PDE4B: variants seen among roughly 807,000 people sequenced by gnomAD.
PDE4B encodes phosphodiesterase 4B, also known as 3',5'-cyclic-AMP phosphodiesterase 4B.
Under a neutral mutation model 82.2 loss-of-function variants are expected in PDE4B, and 20 were observed. The ratio of observed to expected loss-of-function variants is 0.24; its 90% CI spans 0.17 to 0.35. The LOEUF is 0.35. PDE4B is among the 10% of genes least tolerant of loss of function. The pLI is 1.00. For synonymous variants in PDE4B, 320 were observed against 318.9 expected, an observed-to-expected ratio of 1.00 and a Z score of -0.04; for missense variants, 655 against 907.2, an observed-to-expected ratio of 0.72 and a Z score of 3.57.
intron 3 of PDE4B, among the ~76,000 whole-genome samples, chr1:66,190,388 G>A (rs991946304): frequency 3.9e-5 from 6 of 152,218 alleles, no homozygotes; most frequent in Non-Finnish European, 7.3e-5. Context: ...GAAGTCTGCA[G>A]AGGTTTTTGC....
chr1:66,027,951 G>T (rs1274969437), intron 3 of PDE4B, among the ~76,000 whole-genome samples: 1 of 152,216 alleles, frequency 6.6e-6, no homozygotes, highest in Non-Finnish European at 1.5e-5. Flanking sequence ...CATGGTGCAA[G>T]CTATCGGTGG....
rs746913722 is a variant in PDE4B, at chr1:66,257,629, T to G, written c.477-18T>G. On this transcript the variant is annotated intron_variant, in intron 4 of 16. Coordinates refer to ENST00000341517, the MANE Select transcript of PDE4B (RefSeq NM_002600.4). Reference sequence around the variant, plus strand: ...TTCAAGTAAATTTCTAAAGGTTCTTTTTTTCTCTTTTCACCAGACACGGCG... The same window carrying G: ...TTCAAGTAAATTTCTAAAGGTTCTTGTTTTCTCTTTTCACCAGACACGGCG... 1 of 1,611,116 alleles carries G rather than the reference T, an allele frequency of 6.2e-7. No homozygotes were observed. Among genetic ancestry groups the G allele is most frequent in the Admixed American group, 1.7e-5 (1 of 59,936 alleles).
At chr1:65,831,147 C>T (rs367602033) in intron 1 of PDE4B, among the ~76,000 whole-genome samples, 2 of 151,728 alleles carry the variant, frequency 1.3e-5, no homozygotes, top group South Asian at 4.2e-4. Flanking sequence ...GAAAGAAGAA[C>T]AAGTTAAAAA....
In PDE4B at chr1:65,842,450, A is replaced by ATTGT. The variant is rs1646218297; in HGVS notation, c.-71+49202_-71+49203insTTGT. On this transcript the variant is annotated intron_variant, in intron 1 of 16. Transcript: ENST00000341517. ...TATAATAAAACATGCAAACAACTAAAACATAGGACAACATATATTGTATCA... is the reference window on the plus strand; with the variant it reads ...TATAATAAAACATGCAAACAACTAAATTGTACATAGGACAACATATATTGTATCA... 2.6e-5 allele frequency among the ~76,000 whole-genome samples: 4 copies of ATTGT among 152,170 alleles called. No homozygotes were observed. The East Asian group carries it at 7.7e-4, about 29-fold the overall frequency.
At position 66,100,272 on chromosome 1, in the gene PDE4B, C is replaced by T. The variant is rs201218079; in HGVS notation, c.282-147188C>T. 2.0e-5 allele frequency among the ~76,000 whole-genome samples: 3 copies of T among 151,992 alleles called. No homozygotes were observed. The South Asian group carries it at 6.2e-4, about 32-fold the overall frequency. On this transcript the variant is annotated intron_variant, in intron 3 of 16. Transcript: ENST00000341517. ...TTCCTCATGTTGGCCAGGCTGGTCT[C>T]GAGCTCCTGACCTCAGGTGATCAGC...
rs185142081 is a variant in PDE4B at position 66,308,887 on chromosome 1, T to C, written c.635-23621T>C. 1.7e-4 allele frequency among the ~76,000 whole-genome samples: 26 copies of C among 152,300 alleles called. No individual in the cohort carries two copies. In the East Asian group the frequency reaches 4.0e-3, roughly 24 times the overall value. ...TGCTAACATTGCATTTAGATATAGT[T>C]ACTAAAAAATTATAAGAAAGTTCTG... On this transcript the variant is annotated intron_variant, in intron 7 of 16. Coordinates refer to ENST00000341517, the MANE Select transcript of PDE4B (RefSeq NM_002600.4).
Position 65,817,262 on chromosome 1 carries a change from G to T in PDE4B, c.-71+24014G>T, listed in dbSNP as rs139442250. 5.4e-4 allele frequency among the ~76,000 whole-genome samples: 83 copies of T among 152,304 alleles called. 2 individuals carry two copies. The highest frequency in any genetic ancestry group is 1.8e-3 in the African/African-American group (75 of 41,574). On this transcript the variant is annotated intron_variant, in intron 1 of 16. Coordinates refer to ENST00000341517, the MANE Select transcript of PDE4B (RefSeq NM_002600.4). ...GCCTTTAAGAGAAAAGAGGCAGTATGTAAGGGTGCTGCTTCTTGCATTCAG... is the reference window on the plus strand; with the variant it reads ...GCCTTTAAGAGAAAAGAGGCAGTATTTAAGGGTGCTGCTTCTTGCATTCAG...
intron 3 of PDE4B, among the ~76,000 whole-genome samples, chr1:66,149,753 G>A (rs534897391): frequency 1.4e-4 from 21 of 152,212 alleles, no homozygotes; most frequent in Non-Finnish European, 2.6e-4. Flanking sequence ...CTCAGTAGGC[G>A]GAGGCAGGAG....
At chr1:66,045,805 A>G (rs1654678718) in intron 3 of PDE4B, among the ~76,000 whole-genome samples, 1 of 151,766 alleles carries the variant, frequency 6.6e-6, no homozygotes, top group South Asian at 2.1e-4. Flanking sequence ...TATGGGAATG[A>G]ACGTGATAGG....
intron 3 of PDE4B, among the ~76,000 whole-genome samples, chr1:66,230,628 T>C (rs1262432661): frequency 6.6e-6 from 1 of 152,236 alleles, no homozygotes; most frequent in Non-Finnish European, 1.5e-5. Context: ...ACAAAGACCG[T>C]TAGCCTTTAA....
chr1:66,009,082 G>A (rs534518078), intron 3 of PDE4B, among the ~76,000 whole-genome samples: 6 of 152,128 alleles, frequency 3.9e-5, no homozygotes, highest in African/African-American at 1.4e-4. Context: ...GGACATCATG[G>A]CTTTCTCCCC....
intron 1 of PDE4B, among the ~76,000 whole-genome samples, chr1:65,875,205 CA>C (rs1646625414): frequency 6.6e-6 from 1 of 151,866 alleles, no homozygotes. Context: ...AAAAAATGCT[CA>C]TCATCACTAG....
At chr1:65,884,422 A>G (rs761208546) in intron 1 of PDE4B, among the ~76,000 whole-genome samples, 33 of 152,076 alleles carry the variant, frequency 2.2e-4, no homozygotes, top group Non-Finnish European at 3.7e-4. Flanking sequence ...AGCCAAAAGA[A>G]CAAAGCTGGA....
At chr1:66,025,121 G>T (rs1653365160) in intron 3 of PDE4B, among the ~76,000 whole-genome samples, 2 of 151,890 alleles carry the variant, frequency 1.3e-5, no homozygotes, top group Non-Finnish European at 2.9e-5. Flanking sequence ...TTACATCTTA[G>T]TTGTTTTCCT....
intron 3 of PDE4B, among the ~76,000 whole-genome samples, chr1:66,030,028 C>A (rs1490868341): frequency 9.7e-6 from 1 of 102,574 alleles, no homozygotes; most frequent in East Asian, 2.7e-4. Context: ...AATGCCTAAT[C>A]TGTTGAGGGT....
chr1:65,976,369 G>A (rs539418370), intron 3 of PDE4B, among the ~76,000 whole-genome samples: 2 of 152,266 alleles, frequency 1.3e-5, no homozygotes, highest in Non-Finnish European at 2.9e-5. Context: ...TTTTATTTTG[G>A]AAGTAATTAA....
At chr1:65,872,211 C>T (rs1212589602) in intron 1 of PDE4B, among the ~76,000 whole-genome samples, 1 of 152,128 alleles carries the variant, frequency 6.6e-6, no homozygotes, top group Non-Finnish European at 1.5e-5. Flanking sequence ...TTCCTGACTG[C>T]TCACCAAATT....
At chr1:65,937,477 G>C (rs1648216718) in intron 3 of PDE4B, among the ~76,000 whole-genome samples, 1 of 152,252 alleles carries the variant, frequency 6.6e-6, no homozygotes, top group African/African-American at 2.4e-5. Flanking sequence ...CTAAAGCCCT[G>C]TTTTAAAGAT....
chr1:66,083,200 T>C (rs1178661637), intron 3 of PDE4B, among the ~76,000 whole-genome samples: 2 of 152,100 alleles, frequency 1.3e-5, no homozygotes, highest in African/African-American at 2.4e-5. Flanking sequence ...GCTTTCATCA[T>C]GTCACTGCCC....
Sources: gnomAD v4.1 joint callset for allele counts (sites outside exome capture counted in the v4.1 genomes callset) on GRCh38, gnomAD v4.1.1 for gene constraint, MANE v1.5 for transcripts, NCBI Gene and HGNC (gene_info 2026-07-23, HGNC 2026-07-21) for gene names.